Variants in CPNE8 observed in about 807,000 individuals in gnomAD.
The protein encoded by CPNE8 is copine 8.
CPNE8 carries 45 observed loss-of-function variants against 81.5 expected under a neutral mutation model. The ratio of observed to expected loss-of-function variants is 0.55; its 90% confidence interval spans 0.44 to 0.71. The LOEUF (loss-of-function observed/expected upper bound fraction) is 0.71, where lower values mean the gene tolerates loss of function less well. CPNE8 is among the 30% of genes least tolerant of loss of function. CPNE8 has a pLI of 0.00. For missense variants in CPNE8, 594 were observed against 672.1 expected, an observed-to-expected ratio of 0.88 and a Z score of 1.28; for synonymous variants, 252 against 226.3, an observed-to-expected ratio of 1.11 and a Z score of -1.02.
chr12:38,765,558 C>A (rs1941670962), intron 8 of CPNE8, among the ~76,000 whole-genome samples: 1 of 151,646 alleles, frequency 6.6e-6, no homozygotes. Context: ...TGAAATAGTC[C>A]CATATTAAAA....
chr12:38,803,497 G>C (rs1247904118), intron 6 of CPNE8, among the ~76,000 whole-genome samples: 2 of 149,592 alleles, frequency 1.3e-5, no homozygotes, highest in Non-Finnish European at 3.0e-5. Context: ...AGGTATTGAT[G>C]GGACGTATTT....
At chr12:38,839,162 C>G (rs564445276) in intron 5 of CPNE8, among the ~76,000 whole-genome samples, 1 of 152,208 alleles carries the variant, frequency 6.6e-6, no homozygotes, top group South Asian at 2.1e-4. Context: ...TTCAGCCCTT[C>G]CTACTGGGGG....
intron 6 of CPNE8, among the ~76,000 whole-genome samples, chr12:38,790,810 ACCTTT>A (rs1175221708): frequency 6.6e-6 from 1 of 151,708 alleles, no homozygotes; most frequent in Non-Finnish European, 1.5e-5. Flanking sequence ...AGAATAAATG[ACCTTT>A]GAGAGACTGG....
chr12:38,867,603 A>G (rs1943935545), intron 3 of CPNE8, among the ~76,000 whole-genome samples: 1 of 152,272 alleles, frequency 6.6e-6, no homozygotes, highest in African/African-American at 2.4e-5. Context: ...AACAAATTCT[A>G]TAATTTTAAA....
At chr12:38,670,231 C>A (rs1030706319) in intron 19 of CPNE8, among the ~76,000 whole-genome samples, 9 of 152,214 alleles carry the variant, frequency 5.9e-5, no homozygotes, top group African/African-American at 1.7e-4. Context: ...GGTACTGAGA[C>A]CTTCTTCCTT....
chr12:38,788,871 A>T (rs1942261414), intron 6 of CPNE8, among the ~76,000 whole-genome samples: 1 of 151,938 alleles, frequency 6.6e-6, no homozygotes, highest in Non-Finnish European at 1.5e-5. Context: ...CACAAAAAAA[A>T]TTAAATACCT....
At chr12:38,754,568 G>T (rs1338811575) in intron 10 of CPNE8, among the ~76,000 whole-genome samples, 1 of 151,410 alleles carries the variant, frequency 6.6e-6, no homozygotes, top group Non-Finnish European at 1.5e-5. Flanking sequence ...AATTTCTATT[G>T]AGTCATAAAT....
chr12:38,799,382 A>G (rs1000549576), intron 6 of CPNE8, among the ~76,000 whole-genome samples: 9 of 152,190 alleles, frequency 5.9e-5, no homozygotes, highest in Admixed American at 1.3e-4. Flanking sequence ...AGAACTCAGG[A>G]TTAAGAAACT....
chr12:38,815,778 AC>A (rs1565632521), intron 6 of CPNE8, among the ~76,000 whole-genome samples: 1 of 152,198 alleles, frequency 6.6e-6, no homozygotes, highest in East Asian at 1.9e-4. Context: ...GTAAATGTTG[AC>A]ATTAAAAGGA....
chr12:38,756,567 G>C (rs7309400), intron 10 of CPNE8, among the ~76,000 whole-genome samples: 50,693 of 151,818 alleles, frequency 0.33, 10,136 homozygotes, highest in Non-Finnish European at 0.46. Flanking sequence ...TATTGCTCTG[G>C]CTGCCACTTT....
In CPNE8 at chr12:38,659,324, G is replaced by C. The variant is rs186393300; in HGVS notation, c.1507-5254C>G. ...AAGAAGGCCATTACATAATGGTAAA[G>C]GGATCAATTCAACAAGAAGAGCTAA... On this transcript the variant is annotated intron_variant, in intron 19 of 19. Transcript: ENST00000331366. Among the ~76,000 whole-genome samples, 681 of 152,124 alleles carry C rather than the reference G, an allele frequency of 4.5e-3. 2 individuals carry two copies. Among genetic ancestry groups the C allele is most frequent in the Non-Finnish European group, 5.5e-3 (373 of 68,012 alleles).
chr12:38,702,730 AAAAG>A lies in CPNE8; in HGVS notation c.961+141_961+144del, dbSNP rs138716854. On this transcript the variant is annotated intron_variant, in intron 14 of 19. Coordinates refer to ENST00000331366, the MANE Select transcript of CPNE8 (RefSeq NM_153634.3). Reference sequence around the variant, plus strand: ...ATATTTGAACTATTTCACAACATTAAAAAGAAAGAAAAAATTATGTAAATTTTAT... The same window carrying A: ...ATATTTGAACTATTTCACAACATTAAAAAGAAAAAATTATGTAAATTTTAT... 1,419 of 461,380 alleles carry A rather than the reference AAAAG, an allele frequency of 3.1e-3. 17 individuals are homozygous for A. The highest frequency in any genetic ancestry group is 0.027 in the African/African-American group (1,317 of 49,292). The allele number at this position is 461,380 out of a possible 1,614,324, so 28.6% of individuals were successfully genotyped here.
At chr12:38,807,810 C>G (rs148405691) in intron 6 of CPNE8, among the ~76,000 whole-genome samples, 10,229 of 151,842 alleles carry the variant, frequency 0.067, 585 homozygotes, top group East Asian at 0.31. Flanking sequence ...TCAGAGTGAA[C>G]AGGCAACCTA....
chr12:38,735,989 C>T (rs1236631588), intron 10 of CPNE8, among the ~76,000 whole-genome samples: 1 of 151,684 alleles, frequency 6.6e-6, no homozygotes, highest in African/African-American at 2.4e-5. Flanking sequence ...GGTTAAATTT[C>T]CTTTGCTCTC....
intron 10 of CPNE8, among the ~76,000 whole-genome samples, chr12:38,740,689 C>T (rs1171229060): frequency 6.6e-6 from 1 of 152,114 alleles, no homozygotes; most frequent in African/African-American, 2.4e-5. Flanking sequence ...TGCTGGATTA[C>T]GTTTATTGAT....
intron 13 of CPNE8, among the ~76,000 whole-genome samples, chr12:38,719,421 T>G (rs1940493915): frequency 6.6e-6 from 1 of 151,800 alleles, no homozygotes; most frequent in Non-Finnish European, 1.5e-5. Flanking sequence ...ATGGCCAACA[T>G]AACGAAACCC....
At chr12:38,808,347 A>G (rs1440061947) in intron 6 of CPNE8, among the ~76,000 whole-genome samples, 1 of 152,158 alleles carries the variant, frequency 6.6e-6, no homozygotes, top group Admixed American at 6.5e-5. Flanking sequence ...AAAGACTTGG[A>G]ACAACCCAAA....
chr12:38,789,298 T>C (rs1942270282), intron 6 of CPNE8, among the ~76,000 whole-genome samples: 1 of 151,562 alleles, frequency 6.6e-6, no homozygotes, highest in Non-Finnish European at 1.5e-5. Flanking sequence ...AACCAACCTA[T>C]ACACCTCCAG....
At chr12:38,799,317 G>GT (rs1194608032) in intron 6 of CPNE8, among the ~76,000 whole-genome samples, 2 of 152,090 alleles carry the variant, frequency 1.3e-5, no homozygotes, top group African/African-American at 4.8e-5. Flanking sequence ...CTCAGCAAAT[G>GT]TAACACAACA....
Sources: allele counts gnomAD v4.1 joint callset (sites outside exome capture counted in the v4.1 genomes callset), GRCh38; gene constraint gnomAD v4.1.1; transcripts MANE v1.5; gene names NCBI Gene and HGNC (gene_info 2026-07-23, HGNC 2026-07-21).